Variants in ABCB1 observed in about 807,000 individuals in gnomAD.
ABCB1 encodes ATP-dependent translocase ABCB1.
In ABCB1, 69 loss-of-function variants were observed where a neutral mutation model predicts 142.0. The ratio of observed to expected loss-of-function variants is 0.49; its 90% CI spans 0.40 to 0.59. The LOEUF (loss-of-function observed/expected upper bound fraction) is 0.59, where lower values mean the gene tolerates loss of function less well. Among genes scored for constraint, ABCB1 ranks in the 20% least tolerant of loss-of-function variants. The pLI is 0.00. For synonymous variants in ABCB1, 532 were observed against 539.2 expected (o/e 0.99, Z 0.18); for missense variants, 1,326 against 1,554.7 (o/e 0.85, Z 2.47).
At chr7:87,544,328 A>G in intron 16 of ABCB1, 53 bp from the exon 17 acceptor site, 1 of 1,559,648 alleles carries the variant, frequency 6.4e-7, no homozygotes, top group Non-Finnish European at 8.8e-7. Context: ...TATATGTACA[A>G]TTCTTACATA....
chr7:87,551,318 A>G (rs28746506), intron 9 of ABCB1, among the ~76,000 whole-genome samples: 1 of 152,346 alleles, frequency 6.6e-6, no homozygotes, highest in East Asian at 1.9e-4. Context: ...CACCCAGCCA[A>G]GAGTAAATTT....
chr7:87,550,327 G>A, intron 11 of ABCB1, 31 bp from the exon 12 acceptor site: 1 of 1,613,932 alleles, frequency 6.2e-7, no homozygotes, highest in Non-Finnish European at 8.5e-7. Context: ...AAAACTTCAA[G>A]GCAATTCACA....
At chr7:87,522,173 G>C in intron 21 of ABCB1, 2 of 1,449,728 alleles carry the variant, frequency 1.4e-6, no homozygotes, top group Non-Finnish European at 1.9e-6. Flanking sequence ...GGTGGATATA[G>C]TGGCAGTGGG....
Position 87,570,240 on chromosome 7 carries a change from C to A in ABCB1, c.287-17G>T. On this transcript the variant is annotated splice_polypyrimidine_tract_variant and intron_variant, in intron 4 of 27. Coordinates refer to ENST00000622132, the MANE Select transcript of ABCB1 (RefSeq NM_001348946.2). ...TGATATCACCTAGACCACCACAAAA[C>A]AAACATACCATTTATGTCTCTTTAG... The A allele has an allele frequency of 1.9e-6, 3 of 1,608,284 alleles. No individual in the cohort carries two copies. The highest frequency in any genetic ancestry group is 2.6e-6 in the Non-Finnish European group (3 of 1,175,520).
chr7:87,632,699 A>AT (rs1310491190), intron 1 of ABCB1, among the ~76,000 whole-genome samples: 4 of 151,986 alleles, frequency 2.6e-5, no homozygotes, highest in South Asian at 4.1e-4. Flanking sequence ...GATATTAGTC[A>AT]TTTTTTCTGT....
chr7:87,609,348 GCTCTAGTTTTT>G (rs1249511719), intron 1 of ABCB1, among the ~76,000 whole-genome samples: 3 of 152,040 alleles, frequency 2.0e-5, no homozygotes, highest in African/African-American at 4.8e-5. Flanking sequence ...TTAATTTCAT[GCTCTAGTTTTT>G]CTCTCTGGAT....
intron 21 of ABCB1, among the ~76,000 whole-genome samples, chr7:87,523,251 T>C (rs1320037330): frequency 6.6e-6 from 1 of 152,162 alleles, no homozygotes; most frequent in African/African-American, 2.4e-5. Flanking sequence ...TAGCTAAGAC[T>C]ACAAGCACAT....
At chr7:87,657,863 C>G (rs1188985679) in intron 1 of ABCB1, among the ~76,000 whole-genome samples, 1 of 152,166 alleles carries the variant, frequency 6.6e-6, no homozygotes, top group African/African-American at 2.4e-5. Context: ...ACTTGAACTT[C>G]ATCCTCCACT....
intron 4 of ABCB1, among the ~76,000 whole-genome samples, chr7:87,578,175 C>T (rs141755196): frequency 1.3e-3 from 193 of 152,242 alleles, no homozygotes; most frequent in African/African-American, 4.2e-3. Context: ...TTTGAAGAGA[C>T]GGTCTTTTCC....
At chr7:87,663,686 T>C (rs1316782344) in intron 1 of ABCB1, among the ~76,000 whole-genome samples, 1 of 152,184 alleles carries the variant, frequency 6.6e-6, no homozygotes, top group African/African-American at 2.4e-5. Context: ...AATAATAACC[T>C]AATTCTCTGA....
At chr7:87,612,517 G>A (rs1819887830) in intron 1 of ABCB1, among the ~76,000 whole-genome samples, 1 of 152,058 alleles carries the variant, frequency 6.6e-6, no homozygotes, top group Non-Finnish European at 1.5e-5. Context: ...ATTGAATAGG[G>A]TGTCCTTTCC....
intron 1 of ABCB1, among the ~76,000 whole-genome samples, chr7:87,627,351 T>G (rs1302264193): frequency 1.3e-5 from 2 of 152,098 alleles, no homozygotes; most frequent in Non-Finnish European, 2.9e-5. Context: ...AAAGTAGAGG[T>G]GAAAGATACA....
chr7:87,673,226 C>G (rs777721235), intron 1 of ABCB1, among the ~76,000 whole-genome samples: 24 of 152,110 alleles, frequency 1.6e-4, no homozygotes, highest in Non-Finnish European at 1.2e-4. Context: ...TAGTATTTTG[C>G]AGGATTCTCT....
intron 1 of ABCB1, among the ~76,000 whole-genome samples, chr7:87,668,824 C>G (rs1825535701): frequency 6.6e-6 from 1 of 152,054 alleles, no homozygotes; most frequent in Non-Finnish European, 1.5e-5. Flanking sequence ...ATTTTTATTG[C>G]TCTGTGATCC....
chr7:87,631,785 A>T (rs574736032), intron 1 of ABCB1, among the ~76,000 whole-genome samples: 1 of 152,272 alleles, frequency 6.6e-6, no homozygotes, highest in African/African-American at 2.4e-5. Flanking sequence ...TTCTAGGTTG[A>T]CTTTATCATT....
intron 1 of ABCB1, among the ~76,000 whole-genome samples, chr7:87,712,391 A>T (rs1209976649): frequency 6.6e-6 from 1 of 152,084 alleles, no homozygotes; most frequent in Non-Finnish European, 1.5e-5. Flanking sequence ...AAGGCTTTGA[A>T]AATGAAAACA....
chr7:87,512,730 GA>G (rs530490928), intron 25 of ABCB1, among the ~76,000 whole-genome samples: 110 of 152,318 alleles, frequency 7.2e-4, no homozygotes, highest in African/African-American at 2.5e-3. Context: ...GTTTATTGTG[GA>G]CACTTTCTGC....
upstream of ABCB1, among the ~76,000 whole-genome samples, chr7:87,605,363 G>T (rs1327013599): frequency 1.3e-5 from 2 of 151,978 alleles, no homozygotes; most frequent in African/African-American, 2.4e-5. Context: ...TGAACTTCTG[G>T]CCTCAAGTGA....
intron 1 of ABCB1, among the ~76,000 whole-genome samples, chr7:87,642,344 C>T (rs1050541973): frequency 1.3e-5 from 2 of 151,840 alleles, no homozygotes; most frequent in Non-Finnish European, 2.9e-5. Flanking sequence ...CTGTTCTTCA[C>T]GTTGTTCTAT....
Sources: allele counts gnomAD v4.1 joint callset (sites outside exome capture counted in the v4.1 genomes callset), GRCh38; gene constraint gnomAD v4.1.1; transcripts MANE v1.5; gene names NCBI Gene and HGNC (gene_info 2026-07-23, HGNC 2026-07-21).